PRDM4: variants seen among roughly 807,000 people sequenced by gnomAD.
PRDM4 encodes PR domain zinc finger protein 4.
Under a neutral mutation model 62.3 loss-of-function variants are expected in PRDM4, and 38 were observed. The observed-to-expected ratio is 0.61, with a 90% CI of 0.47 to 0.80. The LOEUF is 0.80. Ranked by LOEUF, PRDM4 falls within the 30% of genes least tolerant of loss-of-function variation. The probability of loss-of-function intolerance (pLI) is 0.00; values close to 1 mark genes in which losing one functional copy is unlikely to be tolerated. For missense variants in PRDM4, 858 were observed against 997.1 expected (o/e 0.86, Z 1.88); for synonymous variants, 339 against 348.2 (o/e 0.97, Z 0.30).
intron 10 of PRDM4, 136 bp from the exon 11 acceptor site, chr12:107,739,687 G>T: frequency 1.1e-6 from 1 of 876,692 alleles, no homozygotes; most frequent in Non-Finnish European, 1.7e-6. Context: ...TTACTTTCTA[G>T]GGTTGTCTAT....
At position 107,739,464 on chromosome 12, in the gene PRDM4, T is replaced by G. The variant is rs1280434488; in HGVS notation, c.2012A>C (p.Glu671Ala). Residue 671 changes from glutamate (E) to alanine (A), a missense_variant, in exon 11 of 12, where the codon GAG (glutamate) becomes GCG (alanine). Around this residue, in one of 3 missense-constraint regions of PRDM4, gnomAD observed 355 missense variants for 432.6 expected, o/e 0.82. Transcript: ENST00000228437. ...ACAGTAATCACACTTAAGATTCTTC[T>G]CCCCAGTGTGGATAACCATGTGGGA... Reference protein sequence around the residue: ...LESHMVIHTGEKNLKCDYCDK... With the variant: ...LESHMVIHTGAKNLKCDYCDK... The G allele has an allele frequency of 1.2e-6, 2 of 1,613,920 alleles. No homozygotes were observed. The highest frequency in any genetic ancestry group is 1.7e-6 in the Non-Finnish European group (2 of 1,179,858).
At chr12:107,754,208 G>T in intron 3 of PRDM4, 99 bp from the exon 4 acceptor site, 1 of 914,742 alleles carries the variant, frequency 1.1e-6, no homozygotes, top group Non-Finnish European at 1.6e-6. Flanking sequence ...TTTTACACAT[G>T]GGCAAAAATC....
intron 5 of PRDM4, among the ~76,000 whole-genome samples, chr12:107,748,324 C>A (rs1017544655): frequency 1.3e-5 from 2 of 152,222 alleles, no homozygotes; most frequent in South Asian, 4.1e-4. Flanking sequence ...GTTAAACATA[C>A]GGCAATTCTA....
At chr12:107,734,722 C>G (rs1052915706) in intron 11 of PRDM4, among the ~76,000 whole-genome samples, 200 bp from the exon 12 acceptor site, 3 of 152,102 alleles carry the variant, frequency 2.0e-5, no homozygotes, top group African/African-American at 7.2e-5. Flanking sequence ...TTTTAGAATA[C>G]TATGTAAATT....
rs762629478 is a variant in PRDM4 at position 107,746,345 on chromosome 12, T to C, written c.1206A>G (p.Ile402Met). ...GPVTFVPDTP[I>M]ESRARLSLPK... ...GGAGAGAAAGCCTTGCTCTGCTCTC[T>C]ATTGGAGTGTCAGGAACAAAAGTCA... The change falls in exon 6 of 12, where the codon ATA becomes ATG. Residue 402 changes from isoleucine to methionine, a missense_variant. By Grantham distance (10) the Ile-to-Met change is conservative. Coordinates refer to ENST00000228437, the MANE Select transcript of PRDM4 (RefSeq NM_012406.4). 3 of 1,613,886 alleles carry C rather than the reference T, an allele frequency of 1.9e-6. No individual in the cohort carries two copies. In the African/African-American group the frequency reaches 4.0e-5, roughly 22 times the overall value.
chr12:107,736,946 G>A (rs1321551257), intron 11 of PRDM4: 1 of 152,230 alleles, frequency 6.6e-6, no homozygotes, highest in East Asian at 1.9e-4. Context: ...CAAATTCATG[G>A]GGTAATACTG....
At chr12:107,760,241 G>C (rs1261263223) in intron 2 of PRDM4, among the ~76,000 whole-genome samples, 1 of 152,124 alleles carries the variant, frequency 6.6e-6, no homozygotes, top group Non-Finnish European at 1.5e-5. Flanking sequence ...TATATTAAAC[G>C]CTCAAATAAC....
At position 107,753,375 on chromosome 12, in the gene PRDM4, GA is replaced by G. The variant is rs1356223140; in HGVS notation, c.331+548del. Among the ~76,000 whole-genome samples the G allele has an allele frequency of 8.5e-3, 829 of 97,558 alleles. 4 individuals carry two copies. The highest frequency in any genetic ancestry group is 0.026 in the African/African-American group (648 of 24,992). The allele number at this position is 97,558 out of a possible 152,430, so 64.0% of individuals were successfully genotyped here. ...AGTTGAGACTCCGTCTCCATTAAAA[GA>G]AAAAAAAAAAAAAGAAAAGAAAAAA... is the stretch of plus-strand genomic sequence containing the variant. On this transcript the variant is annotated intron_variant, in intron 4 of 11. Coordinates refer to ENST00000228437, the MANE Select transcript of PRDM4 (RefSeq NM_012406.4).
At chr12:107,758,819 T>G (rs1296880468) in intron 2 of PRDM4, among the ~76,000 whole-genome samples, 3 of 152,202 alleles carry the variant, frequency 2.0e-5, no homozygotes, top group Non-Finnish European at 4.4e-5. Flanking sequence ...AAGGCCAACC[T>G]AGTACCTTGT....
intron 11 of PRDM4, among the ~76,000 whole-genome samples, chr12:107,735,782 C>T (rs1374258260): frequency 1.4e-5 from 2 of 145,154 alleles, no homozygotes; most frequent in Non-Finnish European, 3.0e-5. Context: ...TTTTGAGTAG[C>T]TGAACCCCAT....
chr12:107,751,964 T>A lies in PRDM4; in HGVS notation c.577A>T (p.Thr193Ser). 6.2e-7 allele frequency: 1 copy of A among 1,614,224 alleles called. No homozygotes were observed. The highest frequency in any genetic ancestry group is 1.3e-5 in the African/African-American group (1 of 75,052). The change falls in exon 5 of 12, where the codon ACT (threonine) becomes TCT (serine). Residue 193 changes from threonine (T) to serine (S), a missense_variant. Thr to Ser is a moderately conservative substitution (Grantham distance 58). Around this residue, in one of 3 missense-constraint regions of PRDM4, gnomAD observed 499 missense variants for 546.7 expected, o/e 0.91. Transcript: ENST00000228437. ...GTAACCCTAGAAACGTTCTCCATAG[T>A]GATTGCTGTGTCCAAGGCCACCTCA... Reference protein sequence around the residue: ...GHEVALDTAITMENVSRVTSP... With the variant: ...GHEVALDTAISMENVSRVTSP...
In PRDM4 at chr12:107,734,339, C is replaced by T. The variant is rs201810021; in HGVS notation, c.2277G>A (p.Ser759=). The T allele has an allele frequency of 1.2e-5, 19 of 1,614,178 alleles. No individual in the cohort carries two copies. Among genetic ancestry groups the T allele is most frequent in the African/African-American group, 8.0e-5 (6 of 75,056 alleles). The change falls in exon 12 of 12, where the codon TCG becomes TCA. Residue 759 remains serine (S), a synonymous_variant. Transcript: ENST00000228437. ...CCTCTTCTTCCTCCTCTGGTGCTGA[C>T]GAACTGGAGGTGGGCCCTTTGCAGG... ...LKTCKGPTSS[S]SAPEEEEEDD...
At chr12:107,740,080 T>TG (rs1890468165) in intron 10 of PRDM4, among the ~76,000 whole-genome samples, 1 of 152,176 alleles carries the variant, frequency 6.6e-6, no homozygotes. Flanking sequence ...TTAGGCTTTG[T>TG]GGGCCATAAG....
chr12:107,748,979 T>A (rs1413964081), intron 5 of PRDM4, among the ~76,000 whole-genome samples: 2 of 152,190 alleles, frequency 1.3e-5, no homozygotes, highest in African/African-American at 2.4e-5. Flanking sequence ...AAACTCTAAA[T>A]TTGAGACTTT....
At chr12:107,754,491 T>C (rs1445070174) in intron 3 of PRDM4, among the ~76,000 whole-genome samples, 2 of 152,142 alleles carry the variant, frequency 1.3e-5, no homozygotes, top group African/African-American at 2.4e-5. Context: ...CAAGCAATTC[T>C]CCTACCTCAG....
intron 11 of PRDM4, chr12:107,736,467 G>A (rs1322251161): frequency 6.6e-6 from 1 of 152,320 alleles, no homozygotes; most frequent in Non-Finnish European, 1.5e-5. Context: ...TATGCTCAAG[G>A]AGTAGCAAGG....
chr12:107,752,682 T>A (rs1593173946), intron 4 of PRDM4, among the ~76,000 whole-genome samples: 1 of 152,064 alleles, frequency 6.6e-6, no homozygotes, highest in East Asian at 1.9e-4. Context: ...TTAACACTTG[T>A]GCTTGGGAGG....
rs1593172739 is a variant in PRDM4, at chr12:107,751,460, C to T, written c.1081G>A (p.Asp361Asn). ...SFVSPSLQME[D>N]SNSNKENMAT... ...ATGTTCTCCTTGTTTGAATTGGAGT[C>T]TTCCATTTGCAGTGAAGGTGATACA... Residue 361 changes from aspartate (D) to asparagine (N), a missense_variant, in exon 5 of 12, where the codon GAC (aspartate) becomes AAC (asparagine). By Grantham distance (23) the Asp-to-Asn change is conservative. Transcript: ENST00000228437. 1.2e-6 allele frequency: 2 copies of T among 1,612,506 alleles called. No individual in the cohort carries two copies. The highest frequency in any genetic ancestry group is 4.5e-5 in the East Asian group (2 of 44,814).
intron 2 of PRDM4, chr12:107,758,316 TCA>T (rs1891128749): frequency 6.9e-6 from 1 of 144,406 alleles, no homozygotes; most frequent in African/African-American, 2.6e-5. Flanking sequence ...AGTGGCGTGA[TCA>T]CAGCTGACTG....
Sources: allele counts gnomAD v4.1 joint callset (sites outside exome capture counted in the v4.1 genomes callset), GRCh38; gene constraint gnomAD v4.1.1; regional missense constraint gnomAD v4.1.1; transcripts MANE v1.5; gene names NCBI Gene and HGNC (gene_info 2026-07-23, HGNC 2026-07-21).